KMT2C: variants seen among roughly 807,000 people sequenced by gnomAD.
KMT2C encodes the protein lysine methyltransferase 2C, also known as histone-lysine N-methyltransferase 2C.
Under a neutral mutation model 507.9 loss-of-function variants are expected in KMT2C, and 88 were observed. The ratio of observed to expected loss-of-function variants is 0.17; its 90% CI spans 0.15 to 0.21. The LOEUF (loss-of-function observed/expected upper bound fraction) is 0.21, where lower values mean the gene tolerates loss of function less well. Ranked by LOEUF, KMT2C falls within the 10% of genes least tolerant of loss-of-function variation. The pLI is 1.00. For synonymous variants in KMT2C, 2,049 were observed against 2,080.8 expected (o/e 0.98, Z 0.42); for missense variants, 4,954 against 5,957.8 (o/e 0.83, Z 5.55).
rs771508602 is a variant in KMT2C, at chr7:152,263,058, T to C, written c.1257A>G (p.Gln419=). ...CDKGYHTFCL[Q]PVMKSVPTNG... ...TGGTTGGTACTGATTTCATAACTGG[T>C]TGAAGACAAAAAGTATGATACCCTT... The change falls in exon 9 of 59, where the codon CAA becomes CAG. Residue 419 remains glutamine (Q), a synonymous_variant. Transcript: ENST00000262189. 6.2e-7 allele frequency: 1 copy of C among 1,613,068 alleles called. No homozygotes were observed. The highest frequency in any genetic ancestry group is 8.5e-7 in the Non-Finnish European group (1 of 1,179,760).
At position 152,181,521 on chromosome 7, in the gene KMT2C, T is replaced by G. The variant is rs73161892; in HGVS notation, c.6339A>C (p.Ser2113=). 16,304 of 1,614,026 alleles carry G rather than the reference T, an allele frequency of 0.01. 104 individuals carry two copies. Among genetic ancestry groups the G allele is most frequent in the Non-Finnish European group, 0.013 (15,278 of 1,179,976 alleles). The change falls in exon 36 of 59, where the codon TCA becomes TCC. Residue 2113 remains serine, a synonymous_variant. Coordinates refer to ENST00000262189, the MANE Select transcript of KMT2C (RefSeq NM_170606.3). The stretch of plus-strand genomic sequence containing the variant: ...TGGTTCCAGGCTGGGAAAAAGCCCT[T>G]GAAGGATGGGCAAAAGATTCATTCA... ...PAVNESFAHP[S]RAFSQPGTIS...
At chr7:152,242,551 A>T (rs2095406322) in intron 14 of KMT2C, among the ~76,000 whole-genome samples, 1 of 152,200 alleles carries the variant, frequency 6.6e-6, no homozygotes, top group African/African-American at 2.4e-5. Context: ...CAGGGACTGA[A>T]TTTGAACCCA....
intron 8 of KMT2C, among the ~76,000 whole-genome samples, chr7:152,264,486 G>C (rs1177637891): frequency 6.6e-6 from 1 of 152,152 alleles, no homozygotes. Context: ...TTGGAATTAT[G>C]CTGACCAGGA....
intron 7 of KMT2C, among the ~76,000 whole-genome samples, chr7:152,265,677 G>A (rs2095848433): frequency 6.6e-6 from 1 of 151,970 alleles, no homozygotes; most frequent in Non-Finnish European, 1.5e-5. Flanking sequence ...ATATCAATTA[G>A]ACTAAGATGC....
At chr7:152,378,520 A>C (rs971458876) in intron 1 of KMT2C, among the ~76,000 whole-genome samples, 1 of 152,262 alleles carries the variant, frequency 6.6e-6, no homozygotes, top group African/African-American at 2.4e-5. Flanking sequence ...AATAGACTGC[A>C]GTAGAATATA....
chr7:152,198,688 G>T (rs1326637280), intron 27 of KMT2C, among the ~76,000 whole-genome samples: 1 of 152,092 alleles, frequency 6.6e-6, no homozygotes, highest in Non-Finnish European at 1.5e-5. Context: ...AACCGGGGGT[G>T]ATTTTGCCCA....
chr7:152,238,001 C>G (rs1261435091), intron 15 of KMT2C, among the ~76,000 whole-genome samples: 8 of 145,150 alleles, frequency 5.5e-5, no homozygotes, highest in Non-Finnish European at 1.2e-4. Flanking sequence ...TGGATGATAT[C>G]AGGGGGAGGT....
At chr7:152,408,496 C>A (rs1195433988) in intron 1 of KMT2C, among the ~76,000 whole-genome samples, 1 of 152,228 alleles carries the variant, frequency 6.6e-6, no homozygotes, top group Non-Finnish European at 1.5e-5. Flanking sequence ...TGTTGGGAAC[C>A]AGGCCACACA....
intron 9 of KMT2C, among the ~76,000 whole-genome samples, chr7:152,255,122 T>C (rs1401101750): frequency 7.2e-5 from 8 of 111,590 alleles, no homozygotes; most frequent in Non-Finnish European, 1.0e-4. Context: ...TATATATATA[T>C]ATATATATAT....
At chr7:152,368,561 T>C in intron 1 of KMT2C, 6 of 1,395,804 alleles carry the variant, frequency 4.3e-6, no homozygotes, top group Non-Finnish European at 6.0e-6. Flanking sequence ...CGTCGTCAGT[T>C]TGAGGATGAG....
Position 152,187,157 on chromosome 7 carries a change from T to C in KMT2C, c.5008+105A>G, listed in dbSNP as rs182495769. On this transcript the variant is annotated intron_variant, in intron 33 of 58. Coordinates refer to ENST00000262189, the MANE Select transcript of KMT2C (RefSeq NM_170606.3). ...GGAATCTTCATGTTGTGGGTCATCA[T>C]AGACAAAAATTAGTTAAGCTACCTT... The C allele has an allele frequency of 2.4e-5, 20 of 843,772 alleles. No homozygotes were observed. In the Middle Eastern group the frequency reaches 1.0e-3, roughly 43 times the overall value. 52.3% of individuals were successfully genotyped at this position (843,772 alleles called of 1,614,324 possible). A position where few individuals can be genotyped will look rare whatever the true frequency, so the allele number is the denominator to read the frequency against.
At chr7:152,380,348 A>G (rs1252682982) in intron 1 of KMT2C, among the ~76,000 whole-genome samples, 1 of 152,238 alleles carries the variant, frequency 6.6e-6, no homozygotes, top group East Asian at 1.9e-4. Flanking sequence ...CAGGCAGATC[A>G]CCTGAGGTCA....
chr7:152,171,181 G>T, intron 40 of KMT2C, 83 bp downstream of exon 40: 1 of 862,798 alleles, frequency 1.2e-6, no homozygotes, highest in East Asian at 2.7e-5. Flanking sequence ...CTACTCTCTA[G>T]CAGGGGACTT....
At chr7:152,401,732 T>C (rs1018586085) in intron 1 of KMT2C, among the ~76,000 whole-genome samples, 2 of 152,164 alleles carry the variant, frequency 1.3e-5, no homozygotes, top group South Asian at 2.1e-4. Context: ...AGGAGTACAA[T>C]ACAGCGCATA....
intron 20 of KMT2C, among the ~76,000 whole-genome samples, chr7:152,223,806 A>AAAAAC (rs1465483141): frequency 2.0e-5 from 3 of 152,122 alleles, no homozygotes; most frequent in African/African-American, 4.8e-5. Flanking sequence ...CTCTAAATTT[A>AAAAAC]AAAACAAAAC....
chr7:152,374,884 CAAAA>C (rs71198779), intron 1 of KMT2C, among the ~76,000 whole-genome samples: 2 of 77,632 alleles, frequency 2.6e-5, no homozygotes, highest in African/African-American at 7.5e-5. Flanking sequence ...CTCTGTCTCT[CAAAA>C]AAAAAAAAAA....
Position 152,141,570 on chromosome 7 carries a change from G to T in KMT2C, c.14344-1779C>A, listed in dbSNP as rs189564381. On this transcript the variant is annotated intron_variant, in intron 55 of 58. Transcript: ENST00000262189. ...CTTAAAAAAAAAAAAAAAATTAGCC[G>T]GGCATGGTAGTACACACCTGTAGTC... is the stretch of plus-strand genomic sequence containing the variant. Among the ~76,000 whole-genome samples the T allele has an allele frequency of 9.0e-4, 135 of 150,726 alleles. 1 individual carries two copies. The highest frequency in any genetic ancestry group is 3.0e-3 in the African/African-American group (124 of 40,922).
At chr7:152,139,001 T>G (rs1206248118) in intron 57 of KMT2C, 97 bp from the exon 58 acceptor site, 10 of 1,072,346 alleles carry the variant, frequency 9.3e-6, no homozygotes, top group Non-Finnish European at 1.4e-5. Flanking sequence ...GCTAATTAAA[T>G]TTCTATTTGC....
Position 152,262,975 on chromosome 7 carries a change from CAT to C in KMT2C, c.1299+39_1299+40del, listed in dbSNP as rs780810838. The C allele has an allele frequency of 1.2e-5, 17 of 1,455,324 alleles. No individual in the cohort carries two copies. The highest frequency in any genetic ancestry group is 5.7e-5 in the African/African-American group (4 of 70,508). The allele number at this position is 1,455,324 out of a possible 1,614,324, so 90.2% of individuals were successfully genotyped here. On this transcript the variant is annotated intron_variant, in intron 9 of 58. Transcript: ENST00000262189. ...CGATTTGTCTGGTCTCCATATAAAA[CAT>C]AGAGAGGATTTAAAAAAATAAATAA...
Sources: gnomAD v4.1 joint callset for allele counts (sites outside exome capture counted in the v4.1 genomes callset) on GRCh38, gnomAD v4.1.1 for gene constraint, MANE v1.5 for transcripts, NCBI Gene and HGNC (gene_info 2026-07-23, HGNC 2026-07-21) for gene names.